The following ARHGEF38 variants were observed in gnomAD, a reference collection of about 807,000 sequenced individuals.
The protein encoded by ARHGEF38 is Rho guanine nucleotide exchange factor 38.
In ARHGEF38, 79 loss-of-function variants were observed where a neutral mutation model predicts 79.9. The ratio of observed to expected loss-of-function variants is 0.99; its 90% CI spans 0.82 to 1.19. The LOEUF is 1.19. Among genes scored for constraint, ARHGEF38 ranks in the 50% most tolerant of loss-of-function variants. The pLI is 0.00. For synonymous variants in ARHGEF38, 366 were observed against 328.3 expected (o/e 1.11, Z -1.24); for missense variants, 962 against 907.2 (o/e 1.06, Z -0.78).
intron 1 of ARHGEF38, among the ~76,000 whole-genome samples, chr4:105,566,831 G>T (rs191628928): frequency 6.7e-6 from 1 of 149,314 alleles, no homozygotes; most frequent in African/African-American, 2.5e-5. Context: ...TTGGCTCACC[G>T]CAACCTCCAC....
intron 13 of ARHGEF38, among the ~76,000 whole-genome samples, chr4:105,671,720 G>A (rs1163316641): frequency 1.3e-5 from 2 of 152,294 alleles, no homozygotes; most frequent in East Asian, 1.9e-4. Flanking sequence ...AGTACATATT[G>A]TAATATTTCA....
At position 105,634,439 on chromosome 4, in the gene ARHGEF38, T is replaced by C. The variant is rs76587317; in HGVS notation, c.657-1964T>C. Among the ~76,000 whole-genome samples, 3 of 152,252 alleles carry C rather than the reference T, an allele frequency of 2.0e-5. No individual in the cohort carries two copies. The East Asian group carries it at 5.8e-4, about 29-fold the overall frequency. ...ACAGTCAAATTAGTGACCCCTAAGATTGTGTGAAATACTGTATTAAAATAG... is the reference window on the plus strand; with the variant it reads ...ACAGTCAAATTAGTGACCCCTAAGACTGTGTGAAATACTGTATTAAAATAG... On this transcript the variant is annotated intron_variant, in intron 4 of 13. Coordinates refer to ENST00000420470, the MANE Select transcript of ARHGEF38 (RefSeq NM_001242729.2).
At chr4:105,578,352 G>T (rs945773344) in intron 1 of ARHGEF38, among the ~76,000 whole-genome samples, 13 of 152,242 alleles carry the variant, frequency 8.5e-5, no homozygotes, top group African/African-American at 3.1e-4. Context: ...TGTATGGTCT[G>T]TCTTGGAGGA....
chr4:105,569,153 G>A (rs1358095759), intron 1 of ARHGEF38, among the ~76,000 whole-genome samples: 1 of 152,112 alleles, frequency 6.6e-6, no homozygotes, highest in Non-Finnish European at 1.5e-5. Context: ...TCATCTCCTT[G>A]CCCATTAAAC....
At position 105,613,489 on chromosome 4, in the gene ARHGEF38, C is replaced by T. The variant is rs746909156; in HGVS notation, c.490C>T (p.Pro164Ser). 2 of 1,612,856 alleles carry T rather than the reference C, an allele frequency of 1.2e-6. No individual in the cohort carries two copies. The highest frequency in any genetic ancestry group is 1.3e-5 in the African/African-American group (1 of 74,982). The part of the protein sequence containing the change: ...LLEEATTDVE[P>S]AMQVIGEVFL... ...GGAAGAGGCCACAACAGACGTGGAACCGGCCATGCAAGTAATTGGTATGTT... is the reference window on the plus strand; with the variant it reads ...GGAAGAGGCCACAACAGACGTGGAATCGGCCATGCAAGTAATTGGTATGTT... The change falls in exon 3 of 14, where the codon CCG becomes TCG. Residue 164 changes from proline (P) to serine (S), a missense_variant. Physicochemically the swap from Pro to Ser is moderately conservative, Grantham distance 74. Transcript: ENST00000420470.
chr4:105,567,236 C>T (rs890586650), intron 1 of ARHGEF38, among the ~76,000 whole-genome samples: 4 of 152,152 alleles, frequency 2.6e-5, no homozygotes, highest in Non-Finnish European at 5.9e-5. Flanking sequence ...ACTCCATTTA[C>T]ACCAGTTTTT....
intron 8 of ARHGEF38, among the ~76,000 whole-genome samples, chr4:105,654,788 C>G (rs1377343507): frequency 2.0e-5 from 3 of 152,160 alleles, no homozygotes; most frequent in African/African-American, 7.2e-5. Flanking sequence ...AAAGAGGAAA[C>G]AGTGTCCTTC....
Position 105,655,526 on chromosome 4 carries a change from G to T in ARHGEF38, c.1114-77G>T, listed in dbSNP as rs143314009. The T allele has an allele frequency of 4.6e-4, 657 of 1,420,776 alleles. 4 individuals carry two copies. The African/African-American group carries it at 8.0e-3, about 17-fold the overall frequency. 88.0% of individuals were successfully genotyped at this position (1,420,776 alleles called of 1,614,324 possible). A position where few individuals can be genotyped will look rare whatever the true frequency, so the allele number is the denominator to read the frequency against. ...AGTGATAATTAAGGGTTATGCTGAT[G>T]AAGTCCACATTTGGGATATGTTAAT... On this transcript the variant is annotated intron_variant, in intron 8 of 13. Transcript: ENST00000420470.
intron 2 of ARHGEF38, among the ~76,000 whole-genome samples, chr4:105,600,567 A>T (rs1345160272): frequency 6.6e-6 from 1 of 152,124 alleles, no homozygotes; most frequent in Non-Finnish European, 1.5e-5. Context: ...TGCAAATCTG[A>T]TGTAGTTCAT....
rs187008603 is a variant in ARHGEF38 at position 105,618,858 on chromosome 4, C to A, written c.508+5351C>A. On this transcript the variant is annotated intron_variant, in intron 3 of 13. Coordinates refer to ENST00000420470, the MANE Select transcript of ARHGEF38 (RefSeq NM_001242729.2). ...AGGCCAGCCACCTTTATCTAGAGAT[C>A]TAGAGTTAATTTTCCTTCTCTGACA... 2.6e-5 allele frequency among the ~76,000 whole-genome samples: 4 copies of A among 152,240 alleles called. No homozygotes were observed. The East Asian group carries it at 7.7e-4, about 29-fold the overall frequency.
In ARHGEF38 at chr4:105,621,857, C is replaced by T. The variant is rs143839973; in HGVS notation, c.508+8350C>T. 2.3e-3 allele frequency among the ~76,000 whole-genome samples: 350 copies of T among 152,178 alleles called. 4 individuals are homozygous for T. The highest frequency in any genetic ancestry group is 3.5e-3 in the South Asian group (17 of 4,812). On this transcript the variant is annotated intron_variant, in intron 3 of 13. Transcript: ENST00000420470. ...CATACTTGAATGTATGAGGTCAGTG[C>T]GGAGGTTTGGGGGACACCCAGATGC...
intron 1 of ARHGEF38, among the ~76,000 whole-genome samples, chr4:105,574,022 G>T (rs1645506677): frequency 6.6e-6 from 1 of 151,982 alleles, no homozygotes; most frequent in South Asian, 2.1e-4. Flanking sequence ...ATTGTTCATT[G>T]CTACTGTATA....
At chr4:105,652,760 T>A (rs1326639963) in intron 7 of ARHGEF38, among the ~76,000 whole-genome samples, 1 of 152,154 alleles carries the variant, frequency 6.6e-6, no homozygotes, top group Non-Finnish European at 1.5e-5. Flanking sequence ...TTATACACAC[T>A]AGACTGAGTT....
rs1443950574 is a variant in ARHGEF38, at chr4:105,667,538, T to C, written c.1983T>C (p.Asp661=). 2.0e-6 allele frequency: 3 copies of C among 1,536,480 alleles called. No individual in the cohort carries two copies. Among genetic ancestry groups the C allele is most frequent in the East Asian group, 2.4e-5 (1 of 40,922 alleles). Residue 661 remains aspartate, a synonymous_variant, in exon 13 of 14, where the codon GAT becomes GAC. Transcript: ENST00000420470. ...CTGAGAACAGGTTCTGTGACGATGA[T>C]TTTGAGAACATCAGCCTCTTCGTGT... The part of the protein sequence containing the change: ...VDAENRFCDD[D]FENISLFVSS...
intron 10 of ARHGEF38, among the ~76,000 whole-genome samples, chr4:105,662,487 C>T (rs917379698): frequency 6.6e-6 from 1 of 151,944 alleles, no homozygotes; most frequent in Non-Finnish European, 1.5e-5. Context: ...TTTAAGGCTC[C>T]AAATAAATTC....
chr4:105,588,567 A>G (rs1384799378), intron 1 of ARHGEF38, among the ~76,000 whole-genome samples: 2 of 152,188 alleles, frequency 1.3e-5, no homozygotes. Context: ...GAGGCTTCCC[A>G]TTTATCTCAT....
chr4:105,609,657 G>A (rs1487270828), intron 2 of ARHGEF38, among the ~76,000 whole-genome samples: 1 of 151,948 alleles, frequency 6.6e-6, no homozygotes, highest in Non-Finnish European at 1.5e-5. Context: ...AAGCAACCTT[G>A]AGCAAAATGA....
intron 1 of ARHGEF38, among the ~76,000 whole-genome samples, chr4:105,556,950 C>T (rs1033511154): frequency 2.0e-5 from 3 of 152,096 alleles, no homozygotes; most frequent in Non-Finnish European, 4.4e-5. Flanking sequence ...ATTCCCAACT[C>T]GACCTTTCAG....
At chr4:105,625,822 C>CA (rs1283492965) in intron 3 of ARHGEF38, among the ~76,000 whole-genome samples, 4 of 152,202 alleles carry the variant, frequency 2.6e-5, no homozygotes, top group African/African-American at 9.6e-5. Flanking sequence ...CAAGCTCTGT[C>CA]ACCCACCCCA....
Sources: allele counts gnomAD v4.1 joint callset (sites outside exome capture counted in the v4.1 genomes callset), GRCh38; gene constraint gnomAD v4.1.1; transcripts MANE v1.5; gene names NCBI Gene and HGNC (gene_info 2026-07-23, HGNC 2026-07-21).